The following DYSF variants were observed in gnomAD, a reference collection of about 807,000 sequenced individuals.
The protein encoded by DYSF is dysferlin, also known as dystrophy-associated fer-1-like 1.
In DYSF, 212 loss-of-function variants were observed where a neutral mutation model predicts 274.9. That is an observed-to-expected ratio of 0.77 (90% CI 0.69 to 0.86). DYSF has a LOEUF of 0.86. Among genes scored for constraint, DYSF ranks in the 40% least tolerant of loss-of-function variants. The pLI is 0.00. For missense variants in DYSF, 2,666 were observed against 2,783.2 expected, an observed-to-expected ratio of 0.96 and a Z score of 0.95; for synonymous variants, 1,091 against 1,078.7, an observed-to-expected ratio of 1.01 and a Z score of -0.22.
intron 41 of DYSF, among the ~76,000 whole-genome samples, chr2:71,635,762 A>AAG (rs1459333822): frequency 1.8e-5 from 2 of 109,006 alleles, no homozygotes; most frequent in African/African-American, 3.4e-5. Flanking sequence ...AAAAAAAAAA[A>AAG]AAAGAAAGAA....
intron 30 of DYSF, among the ~76,000 whole-genome samples, chr2:71,579,553 G>A (rs1366442797): frequency 3.3e-5 from 5 of 152,106 alleles, no homozygotes; most frequent in Admixed American, 3.3e-4. Flanking sequence ...CCCCATAGAG[G>A]ATAAGAATTA....
At chr2:71,610,299 A>G (rs2093726870) in intron 36 of DYSF, among the ~76,000 whole-genome samples, 3 of 152,216 alleles carry the variant, frequency 2.0e-5, no homozygotes, top group Admixed American at 2.0e-4. Context: ...ACAGGTATTA[A>G]CTTCCTCAAC....
At chr2:71,543,267 G>A (rs1294328647) in intron 17 of DYSF, among the ~76,000 whole-genome samples, 8 of 149,240 alleles carry the variant, frequency 5.4e-5, no homozygotes, top group Non-Finnish European at 8.9e-5. Context: ...CAGACGGGGC[G>A]GCAGGGCAGA....
chr2:71,585,574 GA>G (rs2093038525), intron 30 of DYSF, among the ~76,000 whole-genome samples: 1 of 152,204 alleles, frequency 6.6e-6, no homozygotes, highest in Non-Finnish European at 1.5e-5. Flanking sequence ...CTGAAAACCA[GA>G]ATGTACTTCA....
At chr2:71,483,226 C>T (rs972867872) in intron 3 of DYSF, among the ~76,000 whole-genome samples, 3 of 152,138 alleles carry the variant, frequency 2.0e-5, no homozygotes, top group South Asian at 2.1e-4. Flanking sequence ...ATCTTGGGCC[C>T]GTCTCTTCCA....
At chr2:71,552,959 G>C in intron 19 of DYSF, 52 bp from the exon 20 acceptor site, 2 of 1,601,314 alleles carry the variant, frequency 1.2e-6, no homozygotes, top group South Asian at 2.2e-5. Context: ...CCCCAGCCTG[G>C]GTGCCTTTCT....
intron 40 of DYSF, among the ~76,000 whole-genome samples, chr2:71,614,217 A>G (rs910808193): frequency 2.0e-5 from 3 of 152,090 alleles, no homozygotes; most frequent in African/African-American, 7.2e-5. Flanking sequence ...TGAACTCACC[A>G]TCTGTTCCAG....
In DYSF at chr2:71,520,905, G is replaced by A. The variant is rs398123763; in HGVS notation, c.1149+1G>A. On this transcript the variant is annotated splice_donor_variant, in intron 12 of 55. Transcript: ENST00000410020. LOFTEE classifies it high-confidence loss of function. ...GCTGGGGCCTGGGGACGAAGCGCCT[G>A]TGAGTACATTTCCCTGGGTCTTCCT... The A allele has an allele frequency of 3.7e-6, 6 of 1,613,894 alleles. No individual in the cohort carries two copies. The highest frequency in any genetic ancestry group is 5.1e-6 in the Non-Finnish European group (6 of 1,179,918).
At position 71,503,300 on chromosome 2, in the gene DYSF, C is replaced by A; in HGVS notation, c.326C>A (p.Thr109Asn). ...SASFNAPLLDTKKQPTGASLV... is the reference protein window; with the variant it reads ...SASFNAPLLDNKKQPTGASLV... ...AGCTTCAATGCCCCCCTGCTGGACA[C>A]CAAGAAGCAGCCCACAGGGGTAAGT... The change falls in exon 4 of 56, where the codon ACC (threonine) becomes AAC (asparagine). Residue 109 changes from threonine to asparagine, a missense_variant. Thr to Asn is a moderately conservative substitution (Grantham distance 65, BLOSUM62 0). Around this residue, in one of 3 missense-constraint regions of DYSF, gnomAD observed 794 missense variants for 777.1 expected, o/e 1.02. Transcript: ENST00000410020. 1 of 1,614,148 alleles carries A rather than the reference C, an allele frequency of 6.2e-7. No homozygotes were observed. Among genetic ancestry groups the A allele is most frequent in the Non-Finnish European group, 8.5e-7 (1 of 1,179,982 alleles).
chr2:71,641,058 GT>G (rs1330055792), intron 41 of DYSF, among the ~76,000 whole-genome samples: 1 of 151,486 alleles, frequency 6.6e-6, no homozygotes, highest in Non-Finnish European at 1.5e-5. Flanking sequence ...TCTGTCATTG[GT>G]TTCAGCCTCA....
chr2:71,680,621 G>A (rs897417267), intron 53 of DYSF, among the ~76,000 whole-genome samples: 17 of 152,158 alleles, frequency 1.1e-4, no homozygotes, highest in African/African-American at 4.1e-4. Context: ...ACAATGTTTG[G>A]CAGTCATTAA....
In DYSF at chr2:71,601,518, CT is replaced by C; in HGVS notation, c.3918del (p.Gly1307ValfsTer56). On this transcript the variant is annotated frameshift_variant, in exon 35 of 56. Transcript: ENST00000410020. LOFTEE classifies it high-confidence loss of function. ...CTCCAGCCGGCCATCCACCATATTC[CT>C]GGTTTTGAGGTAAGTCTTGCTCTGA... ...QREKPAIHHI[P>X]GFEVQETSRI... 6.2e-7 allele frequency: 1 copy of C among 1,614,182 alleles called. No individual in the cohort carries two copies. The highest frequency in any genetic ancestry group is 1.1e-5 in the South Asian group (1 of 91,086).
At chr2:71,468,434 C>T (rs1323376310) in intron 1 of DYSF, among the ~76,000 whole-genome samples, 1 of 152,178 alleles carries the variant, frequency 6.6e-6, no homozygotes, top group Non-Finnish European at 1.5e-5. Flanking sequence ...AGGGAGCTAC[C>T]AGCGCTTGGA....
chr2:71,466,963 C>T, intron 1 of DYSF, 30 bp downstream of exon 1: 1 of 1,546,586 alleles, frequency 6.5e-7, no homozygotes, highest in Non-Finnish European at 8.7e-7. Context: ...CGCGCCCATG[C>T]TCGGGTGCTA....
intron 1 of DYSF, among the ~76,000 whole-genome samples, chr2:71,480,367 T>TAC (rs35040279): frequency 0.28 from 42,701 of 150,026 alleles, 7,063 homozygotes; most frequent in East Asian, 0.79. Flanking sequence ...GGCCCCCGTC[T>TAC]ACACACACAC....
intron 36 of DYSF, among the ~76,000 whole-genome samples, chr2:71,604,950 C>A (rs62145896): frequency 6.6e-6 from 1 of 152,086 alleles, no homozygotes; most frequent in Non-Finnish European, 1.5e-5. Flanking sequence ...GCCTGTTGGA[C>A]AACAAACTTC....
chr2:71,587,417 C>T (rs951646188), intron 30 of DYSF, among the ~76,000 whole-genome samples: 3 of 152,212 alleles, frequency 2.0e-5, no homozygotes, highest in Non-Finnish European at 4.4e-5. Context: ...TCCACTTTTA[C>T]ACCTTGGAAT....
intron 42 of DYSF, among the ~76,000 whole-genome samples, chr2:71,651,474 TG>T (rs1404341873): frequency 4.3e-4 from 65 of 152,200 alleles, no homozygotes; most frequent in African/African-American, 1.5e-3. Flanking sequence ...GAAACAGAAC[TG>T]TCTCAAGAAG....
At chr2:71,553,751 C>CAAAA in intron 20 of DYSF, 56 bp from the exon 21 acceptor site, 26 of 1,045,020 alleles carry the variant, frequency 2.5e-5, no homozygotes, top group East Asian at 6.9e-5. Flanking sequence ...CTTAGCACCC[C>CAAAA]ATCCCACCCG....
Sources: gnomAD v4.1 joint callset for allele counts (sites outside exome capture counted in the v4.1 genomes callset) on GRCh38, gnomAD v4.1.1 for gene constraint, gnomAD v4.1.1 regional missense constraint, MANE v1.5 for transcripts, NCBI Gene and HGNC (gene_info 2026-07-23, HGNC 2026-07-21) for gene names.